Variants in XKR9 observed in about 807,000 individuals in gnomAD.
XKR9 encodes XK-related protein 9.
Under a neutral mutation model 32.0 loss-of-function variants are expected in XKR9, and 32 were observed. That is an observed-to-expected ratio of 1.00 (90% confidence interval 0.76 to 1.34). The LOEUF (loss-of-function observed/expected upper bound fraction) is 1.34, where lower values mean the gene tolerates loss of function less well. Among genes scored for constraint, XKR9 ranks in the 40% most tolerant of loss-of-function variants. The probability of loss-of-function intolerance (pLI) is 0.00; values close to 1 mark genes in which losing one functional copy is unlikely to be tolerated. For missense variants in XKR9, 546 were observed against 429.7 expected (o/e 1.27, Z -2.39); for synonymous variants, 168 against 143.4 (o/e 1.17, Z -1.22).
the XKR9 span, among the ~76,000 whole-genome samples, chr8:70,819,642 G>A: frequency 1.3e-5 from 2 of 152,156 alleles, no homozygotes; most frequent in African/African-American, 2.4e-5. Flanking sequence ...AACCTATAGG[G>A]TTATTTTGAG....
chr8:70,884,395 TA>T, the XKR9 span, among the ~76,000 whole-genome samples: 29 of 152,288 alleles, frequency 1.9e-4, no homozygotes, highest in African/African-American at 6.7e-4. Context: ...AATTTATTAA[TA>T]TTTTTTACAG....
At chr8:70,807,243 T>C in the XKR9 span, among the ~76,000 whole-genome samples, 24 of 152,202 alleles carry the variant, frequency 1.6e-4, no homozygotes, top group African/African-American at 5.5e-4. Context: ...CAGGCCTGCC[T>C]TGCAAGAGCT....
chr8:70,844,364 A>G, the XKR9 span, among the ~76,000 whole-genome samples: 3 of 152,052 alleles, frequency 2.0e-5, no homozygotes, highest in East Asian at 5.8e-4. Context: ...CCACCGCTGA[A>G]GGCCAAAGCA....
the XKR9 span, among the ~76,000 whole-genome samples, chr8:71,033,236 G>A: frequency 2.6e-5 from 4 of 152,178 alleles, no homozygotes; most frequent in Admixed American, 1.3e-4. Context: ...CCCACTACCA[G>A]TGTGATCATG....
chr8:70,810,512 C>G, the XKR9 span, among the ~76,000 whole-genome samples: 17 of 152,252 alleles, frequency 1.1e-4, no homozygotes, highest in East Asian at 3.9e-4. Context: ...GATAAAGAGT[C>G]AAGACCCATC....
the XKR9 span, among the ~76,000 whole-genome samples, chr8:70,987,229 C>T: frequency 6.6e-6 from 1 of 152,150 alleles, no homozygotes; most frequent in East Asian, 1.9e-4. Flanking sequence ...CATGCCTTCC[C>T]AACAATCCCA....
chr8:71,027,137 A>C, the XKR9 span, among the ~76,000 whole-genome samples: 218 of 152,104 alleles, frequency 1.4e-3, 1 homozygote, highest in African/African-American at 5.1e-3. Context: ...GCTTACCCTA[A>C]GAAATCTGTA....
At chr8:70,822,057 TAA>T in the XKR9 span, among the ~76,000 whole-genome samples, 2 of 152,194 alleles carry the variant, frequency 1.3e-5, no homozygotes, top group Admixed American at 1.3e-4. Flanking sequence ...CTTTTAAACA[TAA>T]GTTTCAATTC....
At chr8:70,696,008 C>T (rs1022946670) in intron 3 of XKR9, among the ~76,000 whole-genome samples, 58 of 151,062 alleles carry the variant, frequency 3.8e-4, no homozygotes, top group African/African-American at 1.0e-3. Context: ...TCATGTCCTT[C>T]GCCCACTTTT....
intron 3 of XKR9, among the ~76,000 whole-genome samples, chr8:70,685,920 A>G (rs889751282): frequency 7.3e-5 from 11 of 151,068 alleles, no homozygotes; most frequent in African/African-American, 2.7e-4. Context: ...AATAATTTAA[A>G]TAAAATTAAA....
intron 3 of XKR9, among the ~76,000 whole-genome samples, chr8:70,699,458 A>G (rs910197626): frequency 4.0e-5 from 6 of 151,816 alleles, no homozygotes; most frequent in Non-Finnish European, 8.8e-5. Flanking sequence ...GTTTGTCTGG[A>G]TATGAATTTC....
At chr8:70,968,085 A>G in the XKR9 span, among the ~76,000 whole-genome samples, 5 of 152,118 alleles carry the variant, frequency 3.3e-5, no homozygotes, top group Non-Finnish European at 7.3e-5. Flanking sequence ...TCAATCGTAA[A>G]TTTGGTCTTT....
At chr8:70,934,196 T>C in the XKR9 span, among the ~76,000 whole-genome samples, 1 of 152,068 alleles carries the variant, frequency 6.6e-6, no homozygotes, top group Non-Finnish European at 1.5e-5. Context: ...AGCCATACTG[T>C]TAAACTGATA....
the XKR9 span, among the ~76,000 whole-genome samples, chr8:70,890,463 G>T: frequency 6.6e-6 from 1 of 151,768 alleles, no homozygotes; most frequent in Non-Finnish European, 1.5e-5. Context: ...ATAGTCTTTA[G>T]AATGCTGAGA....
chr8:70,778,920 C>T (rs1057319246), intron 2 of XKR9, among the ~76,000 whole-genome samples: 2 of 151,856 alleles, frequency 1.3e-5, no homozygotes, highest in African/African-American at 4.9e-5. Context: ...TTCCTTTTTT[C>T]CTAATGGAAT....
chr8:70,731,485 G>T (rs1194585221), intron 4 of XKR9, among the ~76,000 whole-genome samples: 2 of 152,274 alleles, frequency 1.3e-5, no homozygotes, highest in East Asian at 3.9e-4. Flanking sequence ...ATAGACAAAA[G>T]ATTCTCAATT....
At chr8:70,905,205 T>G in the XKR9 span, among the ~76,000 whole-genome samples, 192 of 151,202 alleles carry the variant, frequency 1.3e-3, 1 homozygote, top group African/African-American at 4.3e-3. Flanking sequence ...GATAAAATCC[T>G]GAAGAGTGTT....
At chr8:71,051,471 T>G in the XKR9 span, among the ~76,000 whole-genome samples, 1 of 152,080 alleles carries the variant, frequency 6.6e-6, no homozygotes, top group Admixed American at 6.6e-5. Flanking sequence ...TCACTGGAAG[T>G]AGAATTGACT....
the XKR9 span, among the ~76,000 whole-genome samples, chr8:70,797,782 C>G: frequency 1.3e-5 from 2 of 152,102 alleles, no homozygotes; most frequent in African/African-American, 4.8e-5. Context: ...TTAGCTCTCA[C>G]TTATAAGTGA....
Sources: gnomAD v4.1 joint callset for allele counts (sites outside exome capture counted in the v4.1 genomes callset) on GRCh38, gnomAD v4.1.1 for gene constraint, MANE v1.5 for transcripts, NCBI Gene and HGNC (gene_info 2026-07-23, HGNC 2026-07-21) for gene names.